PIP5K1B: variants seen among roughly 807,000 people sequenced by gnomAD.
PIP5K1B encodes phosphatidylinositol-4-phosphate 5-kinase type 1 beta.
Under a neutral mutation model 67.0 loss-of-function variants are expected in PIP5K1B, and 42 were observed. The ratio of observed to expected loss-of-function variants is 0.63; its 90% CI spans 0.49 to 0.81. The LOEUF (loss-of-function observed/expected upper bound fraction) is 0.81, where lower values mean the gene tolerates loss of function less well. Ranked by LOEUF, PIP5K1B falls within the 30% of genes least tolerant of loss-of-function variation. PIP5K1B has a pLI of 0.00. For synonymous variants in PIP5K1B, 214 were observed against 231.4 expected, an observed-to-expected ratio of 0.92 and a Z score of 0.68; for missense variants, 459 against 646.3, an observed-to-expected ratio of 0.71 and a Z score of 3.14.
chr9:68,793,643 AT>A (rs1488322795), intron 2 of PIP5K1B, among the ~76,000 whole-genome samples: 1 of 151,886 alleles, frequency 6.6e-6, no homozygotes, highest in East Asian at 1.9e-4. Flanking sequence ...GGAGTAGGAT[AT>A]TTTTTGGTGG....
intron 1 of PIP5K1B, chr9:68,741,445 G>T (rs1829003267): frequency 6.6e-6 from 1 of 152,194 alleles, no homozygotes; most frequent in Admixed American, 6.5e-5. Flanking sequence ...ACAAGCAGTA[G>T]AAATATCCCA....
chr9:68,756,734 A>G (rs907223742), intron 2 of PIP5K1B, among the ~76,000 whole-genome samples: 1 of 152,172 alleles, frequency 6.6e-6, no homozygotes, highest in African/African-American at 2.4e-5. Flanking sequence ...ACTTGTATGC[A>G]TCTCAATCTT....
intron 6 of PIP5K1B, among the ~76,000 whole-genome samples, chr9:68,884,912 T>C (rs535880518): frequency 7.9e-5 from 12 of 152,222 alleles, no homozygotes; most frequent in African/African-American, 2.9e-4. Context: ...GTTCCTCAAA[T>C]AGCTAAAAAT....
chr9:68,712,357 CT>C (rs1167950164), intron 1 of PIP5K1B, among the ~76,000 whole-genome samples: 1 of 152,220 alleles, frequency 6.6e-6, no homozygotes, highest in Non-Finnish European at 1.5e-5. Context: ...AACCTCTTTT[CT>C]TTATGAATTA....
intron 1 of PIP5K1B, 167 bp from the exon 2 acceptor site, chr9:68,742,334 T>A (rs958919892): frequency 1.3e-5 from 2 of 152,238 alleles, no homozygotes; most frequent in Non-Finnish European, 2.9e-5. Flanking sequence ...CACAAAATTA[T>A]CTTTAAATAT....
intron 4 of PIP5K1B, among the ~76,000 whole-genome samples, chr9:68,827,269 G>A (rs1168444184): frequency 3.9e-5 from 6 of 152,150 alleles, no homozygotes; most frequent in Non-Finnish European, 8.8e-5. Flanking sequence ...GCTACCCTTG[G>A]GTGCTGGTTT....
chr9:68,751,516 G>T (rs1829631171), intron 2 of PIP5K1B, among the ~76,000 whole-genome samples: 1 of 152,118 alleles, frequency 6.6e-6, no homozygotes, highest in African/African-American at 2.4e-5. Context: ...ATAGAGGCAG[G>T]GAGTAATTCA....
At chr9:68,787,364 T>C (rs1831683816) in intron 2 of PIP5K1B, among the ~76,000 whole-genome samples, 1 of 152,248 alleles carries the variant, frequency 6.6e-6, no homozygotes, top group South Asian at 2.1e-4. Context: ...ATGTCAATAG[T>C]GGACTCGAAT....
At chr9:68,882,662 G>A (rs1824257397) in intron 6 of PIP5K1B, among the ~76,000 whole-genome samples, 1 of 151,998 alleles carries the variant, frequency 6.6e-6, no homozygotes, top group South Asian at 2.1e-4. Context: ...TGCATCCTTT[G>A]TTGTTTTCAT....
intron 2 of PIP5K1B, among the ~76,000 whole-genome samples, chr9:68,743,393 G>A (rs577465754): frequency 1.6e-4 from 25 of 151,984 alleles, no homozygotes; most frequent in African/African-American, 6.0e-4. Context: ...GTATAAAGTT[G>A]GGGTTTCGCT....
chr9:68,970,213 G>A (rs1201943402), intron 14 of PIP5K1B, among the ~76,000 whole-genome samples: 3 of 152,160 alleles, frequency 2.0e-5, no homozygotes, highest in Non-Finnish European at 4.4e-5. Flanking sequence ...ATCATTGACT[G>A]ATAAAATCTA....
At chr9:68,912,177 C>T (rs759489103) in intron 8 of PIP5K1B, among the ~76,000 whole-genome samples, 5 of 152,124 alleles carry the variant, frequency 3.3e-5, no homozygotes, top group Non-Finnish European at 7.3e-5. Context: ...CTGATTTTTC[C>T]CTCCAGGCCT....
At chr9:68,963,693 G>C (rs1297297987) in intron 14 of PIP5K1B, among the ~76,000 whole-genome samples, 1 of 152,066 alleles carries the variant, frequency 6.6e-6, no homozygotes, top group East Asian at 1.9e-4. Flanking sequence ...CCAGATCAGG[G>C]ACCTTTACAA....
chr9:68,755,850 T>TA (rs1829900447), intron 2 of PIP5K1B, among the ~76,000 whole-genome samples: 1 of 152,226 alleles, frequency 6.6e-6, no homozygotes, highest in Admixed American at 6.5e-5. Context: ...AGTCTTCAAA[T>TA]AGTCATTGAT....
intron 4 of PIP5K1B, among the ~76,000 whole-genome samples, chr9:68,853,531 T>G (rs1822600300): frequency 6.6e-6 from 1 of 152,086 alleles, no homozygotes; most frequent in Non-Finnish European, 1.5e-5. Context: ...TGCAATAGAC[T>G]ATAGTATTTT....
At chr9:68,868,395 T>C (rs1346988749) in intron 5 of PIP5K1B, among the ~76,000 whole-genome samples, 1 of 152,222 alleles carries the variant, frequency 6.6e-6, no homozygotes, top group Non-Finnish European at 1.5e-5. Flanking sequence ...CATATATTAA[T>C]TTTTATTATC....
intron 2 of PIP5K1B, among the ~76,000 whole-genome samples, chr9:68,760,639 G>A (rs555158298): frequency 3.3e-5 from 5 of 152,148 alleles, no homozygotes; most frequent in South Asian, 4.1e-4. Flanking sequence ...GTGGTTTAAC[G>A]TTTAGCTAAC....
chr9:68,789,287 G>C (rs748535275), intron 2 of PIP5K1B: 1 of 415,704 alleles, frequency 2.4e-6, no homozygotes, highest in Non-Finnish European at 4.6e-6. Flanking sequence ...TATTTGACTC[G>C]GTAGCCAACG....
intron 5 of PIP5K1B, among the ~76,000 whole-genome samples, chr9:68,864,572 A>T (rs1174454804): frequency 6.6e-6 from 1 of 152,268 alleles, no homozygotes; most frequent in Non-Finnish European, 1.5e-5. Context: ...CTGGAAATGG[A>T]TGATGGTAAT....
Sources: allele counts gnomAD v4.1 joint callset (sites outside exome capture counted in the v4.1 genomes callset), GRCh38; gene constraint gnomAD v4.1.1; transcripts MANE v1.5; gene names NCBI Gene and HGNC (gene_info 2026-07-23, HGNC 2026-07-21).